The following B3GALT1 variants were observed in gnomAD, a reference collection of about 807,000 sequenced individuals.
B3GALT1 encodes the protein UDP-Gal:betaGlcNAc beta 1,3-galactosyltransferase, polypeptide 1.
B3GALT1 carries 10 observed loss-of-function variants against 23.2 expected under a neutral mutation model. The observed-to-expected ratio is 0.43, with a 90% CI of 0.27 to 0.73. The LOEUF (loss-of-function observed/expected upper bound fraction) is 0.73, where lower values mean the gene tolerates loss of function less well. B3GALT1 is among the 30% of genes least tolerant of loss of function. The pLI, the probability that B3GALT1 is intolerant of heterozygous loss-of-function variation, is 0.21. For missense variants in B3GALT1, 299 were observed against 405.4 expected, an observed-to-expected ratio of 0.74 and a Z score of 2.25; for synonymous variants, 156 against 141.5, an observed-to-expected ratio of 1.10 and a Z score of -0.73.
intron 1 of B3GALT1, among the ~76,000 whole-genome samples, chr2:167,320,868 G>T (rs1431556502): frequency 6.6e-6 from 1 of 151,728 alleles, no homozygotes; most frequent in Non-Finnish European, 1.5e-5. Flanking sequence ...TAAGTTAAAA[G>T]GAAAATTTCT....
At chr2:167,635,354 A>G (rs1685531511) in intron 2 of B3GALT1, among the ~76,000 whole-genome samples, 1 of 152,146 alleles carries the variant, frequency 6.6e-6, no homozygotes, top group African/African-American at 2.4e-5. Flanking sequence ...GGCCAGGGCA[A>G]TCAGGCAAGA....
intron 2 of B3GALT1, among the ~76,000 whole-genome samples, chr2:167,589,868 G>C (rs1167827912): frequency 6.6e-6 from 1 of 152,016 alleles, no homozygotes; most frequent in Non-Finnish European, 1.5e-5. Context: ...ATAATAAGAA[G>C]CTCAGCAACA....
intron 1 of B3GALT1, among the ~76,000 whole-genome samples, chr2:167,332,780 C>T (rs1193385948): frequency 1.3e-5 from 2 of 152,178 alleles, no homozygotes; most frequent in Non-Finnish European, 2.9e-5. Flanking sequence ...CTCTAAGGAT[C>T]TCATAGAGAA....
chr2:167,376,423 G>C (rs1263739761), intron 1 of B3GALT1, among the ~76,000 whole-genome samples: 1 of 152,138 alleles, frequency 6.6e-6, no homozygotes, highest in Non-Finnish European at 1.5e-5. Context: ...ATTGGTACCA[G>C]CTCTTCTTTG....
chr2:167,560,402 A>G (rs969469665), intron 2 of B3GALT1, among the ~76,000 whole-genome samples: 8 of 152,106 alleles, frequency 5.3e-5, no homozygotes, highest in East Asian at 1.9e-4. Context: ...ATCAACTAAC[A>G]AGCAAAATAA....
chr2:167,699,405 T>TTG (rs1686842390), intron 3 of B3GALT1, among the ~76,000 whole-genome samples: 2 of 117,426 alleles, frequency 1.7e-5, no homozygotes, highest in Admixed American at 8.8e-5. Context: ...TTTTTTTTTT[T>TTG]GAAGAAAACC....
chr2:167,767,188 G>A (rs1194476246), intron 3 of B3GALT1, among the ~76,000 whole-genome samples: 1 of 152,204 alleles, frequency 6.6e-6, no homozygotes, highest in Non-Finnish European at 1.5e-5. Context: ...TATGTAAGCT[G>A]AACCAATTGA....
At chr2:167,340,616 A>C (rs1226233342) in intron 1 of B3GALT1, among the ~76,000 whole-genome samples, 1 of 152,200 alleles carries the variant, frequency 6.6e-6, no homozygotes. Context: ...GTCTTCCAAA[A>C]ATGGTCATGT....
intron 3 of B3GALT1, among the ~76,000 whole-genome samples, chr2:167,811,538 T>C (rs1688888577): frequency 2.0e-5 from 3 of 152,242 alleles, no homozygotes; most frequent in Admixed American, 2.0e-4. Context: ...TGTGCTCTTA[T>C]ACTAGGCCTA....
At chr2:167,749,543 A>G (rs1687701077) in intron 3 of B3GALT1, among the ~76,000 whole-genome samples, 1 of 152,180 alleles carries the variant, frequency 6.6e-6, no homozygotes, top group Non-Finnish European at 1.5e-5. Flanking sequence ...TATTTTAATC[A>G]CCAATAAGTA....
intron 2 of B3GALT1, among the ~76,000 whole-genome samples, chr2:167,626,586 A>G (rs947880713): frequency 2.0e-5 from 3 of 151,808 alleles, no homozygotes; most frequent in African/African-American, 7.2e-5. Flanking sequence ...TCTTATCCAA[A>G]GACCCAGAAA....
At chr2:167,472,730 T>C (rs190574674) in intron 1 of B3GALT1, among the ~76,000 whole-genome samples, 1 of 152,258 alleles carries the variant, frequency 6.6e-6, no homozygotes, top group East Asian at 1.9e-4. Flanking sequence ...TGCTGTGCTC[T>C]TCCTCATTCT....
chr2:167,366,548 G>A (rs531385563), intron 1 of B3GALT1, among the ~76,000 whole-genome samples: 49 of 152,108 alleles, frequency 3.2e-4, no homozygotes, highest in Admixed American at 1.6e-3. Context: ...TGATAACCAT[G>A]AGTCATTAGA....
At chr2:167,503,927 G>A (rs1699882166) in intron 2 of B3GALT1, among the ~76,000 whole-genome samples, 1 of 152,084 alleles carries the variant, frequency 6.6e-6, no homozygotes, top group Admixed American at 6.6e-5. Flanking sequence ...TATTCTAGGT[G>A]TCTTTTTTGC....
chr2:167,865,677 A>G (rs1319415294), intron 4 of B3GALT1, among the ~76,000 whole-genome samples: 2 of 152,186 alleles, frequency 1.3e-5, no homozygotes, highest in Admixed American at 1.3e-4. Context: ...CTGTAGTCCC[A>G]GCTACTTGGG....
rs144099662 is a variant in B3GALT1, at chr2:167,869,679, C to A, written c.640C>A (p.Arg214=). ...CTATGTCATTAATGGAGGACCGATT[C>A]GGGATGTCCGCAGTAAGTGGTATAT... is the stretch of plus-strand genomic sequence containing the variant. The part of the protein sequence containing the change: ...TGYVINGGPI[R]DVRSKWYMPR... Residue 214 remains arginine (R), a synonymous_variant, in exon 5 of 5, where the codon CGG becomes AGG. Transcript: ENST00000392690. The surrounding 1 kb of genome is among the most constrained non-coding windows in gnomAD (Gnocchi z 6.4). 1.3e-4 allele frequency: 215 copies of A among 1,614,102 alleles called. No homozygotes were observed. In the African/African-American group the frequency reaches 2.6e-3, roughly 20 times the overall value.
intron 2 of B3GALT1, among the ~76,000 whole-genome samples, chr2:167,591,184 C>T (rs555882162): frequency 1.6e-4 from 25 of 152,088 alleles, no homozygotes; most frequent in Non-Finnish European, 3.1e-4. Flanking sequence ...TGTGTAAGAA[C>T]GTAAAAATTT....
intron 2 of B3GALT1, among the ~76,000 whole-genome samples, chr2:167,547,257 C>T (rs1189673440): frequency 2.0e-5 from 3 of 152,112 alleles, no homozygotes; most frequent in Non-Finnish European, 2.9e-5. Context: ...TCAGCCTGCC[C>T]GTTCAATGTA....
At chr2:167,512,833 G>A (rs1700046068) in intron 2 of B3GALT1, among the ~76,000 whole-genome samples, 1 of 147,122 alleles carries the variant, frequency 6.8e-6, no homozygotes, top group Non-Finnish European at 1.5e-5. Context: ...TTGTAGAGAT[G>A]GTGTTTTGCC....
Sources: gnomAD v4.1 joint callset for allele counts (sites outside exome capture counted in the v4.1 genomes callset) on GRCh38, gnomAD v4.1.1 for gene constraint, Gnocchi (gnomAD v3.1) non-coding constraint, MANE v1.5 for transcripts, NCBI Gene and HGNC (gene_info 2026-07-23, HGNC 2026-07-21) for gene names.